COL17A1: variants seen among roughly 807,000 people sequenced by gnomAD.
COL17A1 encodes collagen type XVII alpha 1 chain, also known as collagen alpha-1(XVII) chain.
A neutral mutation model predicts 218.4 loss-of-function variants in COL17A1; 181 were observed. That is an observed-to-expected ratio of 0.83 (90% CI 0.73 to 0.94). COL17A1 has a LOEUF of 0.94. Ranked by LOEUF, COL17A1 falls within the 40% of genes least tolerant of loss-of-function variation. The probability of loss-of-function intolerance (pLI) is 0.00; values close to 1 mark genes in which losing one functional copy is unlikely to be tolerated. For synonymous variants in COL17A1, 721 were observed against 731.0 expected, an observed-to-expected ratio of 0.99 and a Z score of 0.22; for missense variants, 1,924 against 1,945.9, an observed-to-expected ratio of 0.99 and a Z score of 0.21.
At chr10:104,035,218 C>T (rs769438648) in intron 50 of COL17A1, 45 bp downstream of exon 50, 34 of 1,533,396 alleles carry the variant, frequency 2.2e-5, no homozygotes, top group Middle Eastern at 1.8e-4. Context: ...CCCCAAGGCC[C>T]GGCTGCATCC....
chr10:104,051,648 A>G, intron 24 of COL17A1, 132 bp from the exon 25 acceptor site: 1 of 1,125,192 alleles, frequency 8.9e-7, no homozygotes, highest in Non-Finnish European at 1.3e-6. Context: ...ATTGCAGGCC[A>G]GGGGTGACCC....
chr10:104,081,223 G>C (rs1589580398), intron 1 of COL17A1, among the ~76,000 whole-genome samples: 1 of 152,156 alleles, frequency 6.6e-6, no homozygotes, highest in African/African-American at 2.4e-5. Flanking sequence ...TGTCGTACTT[G>C]TATGGAACTT....
chr10:104,080,684 C>A lies in COL17A1; in HGVS notation c.-11G>T, dbSNP rs1257288042. The A allele has an allele frequency of 6.2e-7, 1 of 1,613,046 alleles. No individual in the cohort carries two copies. The highest frequency in any genetic ancestry group is 1.3e-5 in the African/African-American group (1 of 74,886). On this transcript the variant is annotated splice_region_variant and 5_prime_UTR_variant, in exon 2 of 56. Coordinates refer to ENST00000648076, the MANE Select transcript of COL17A1 (RefSeq NM_000494.4). ...CTTGGTTACATCCATACCATAGCCA[C>A]CTGCAGGAAAAATCAGAAACCATGA...
At chr10:104,072,629 T>C (rs2086678061) in intron 7 of COL17A1, among the ~76,000 whole-genome samples, 1 of 152,192 alleles carries the variant, frequency 6.6e-6, no homozygotes, top group Non-Finnish European at 1.5e-5. Flanking sequence ...ATAAGGCCCA[T>C]AGGAAGTCTA....
rs183518018 is a variant in COL17A1, at chr10:104,049,981, G to T, written c.2164+108C>A. 7.1e-6 allele frequency: 11 copies of T among 1,544,668 alleles called. No individual in the cohort carries two copies. The East Asian group carries it at 2.5e-4, about 35-fold the overall frequency. On this transcript the variant is annotated intron_variant, in intron 28 of 55. Transcript: ENST00000648076. Reference sequence around the variant, plus strand: ...TTTCTAGATCACAAGTTCCCTGAAGGGTTTTAAACAGATTCGGTCTCTTAC... The same window carrying T: ...TTTCTAGATCACAAGTTCCCTGAAGTGTTTTAAACAGATTCGGTCTCTTAC...
In COL17A1 at chr10:104,034,253, G is replaced by A. The variant is rs762683429; in HGVS notation, c.3848C>T (p.Ser1283Phe). 13 of 1,607,434 alleles carry A rather than the reference G, an allele frequency of 8.1e-6. No homozygotes were observed. In the South Asian group the frequency reaches 1.3e-4, roughly 16 times the overall value. Reference protein sequence around the residue: ...QGPPGDSRLLSTDASHSRGSS... With the variant: ...QGPPGDSRLLFTDASHSRGSS... ...ACCCCGACTGTGGGAGGCATCCGTG[G>A]ACAGGAGGCGGCTGTCCCCAGGGGG... Residue 1283 changes from serine (S) to phenylalanine (F), a missense_variant, in exon 52 of 56, where the codon TCC becomes TTC. Transcript: ENST00000648076.
chr10:104,039,950 G>A (rs769650005), intron 41 of COL17A1, 23 bp downstream of exon 41: 76 of 1,614,014 alleles, frequency 4.7e-5, no homozygotes, highest in Non-Finnish European at 6.0e-5. Flanking sequence ...CCCAGGTTTT[G>A]TTTGATGCCG....
chr10:104,037,180 A>C lies in COL17A1; in HGVS notation c.3209-67T>G, dbSNP rs1490444275. On this transcript the variant is annotated intron_variant, in intron 46 of 55. Transcript: ENST00000648076. ...TGAAGCAACACCCTCACTATTCCAGAATCTGAAAGGCCCGGTCACCGAGCT... is the reference window on the plus strand; with the variant it reads ...TGAAGCAACACCCTCACTATTCCAGCATCTGAAAGGCCCGGTCACCGAGCT... The C allele has an allele frequency of 2.0e-5, 28 of 1,421,592 alleles. No individual in the cohort carries two copies. In the Admixed American group the frequency reaches 5.5e-4, roughly 28 times the overall value. 88.1% of individuals were successfully genotyped at this position (1,421,592 alleles called of 1,614,324 possible). A position where few individuals can be genotyped will look rare whatever the true frequency, so the allele number is the denominator to read the frequency against.
rs767661123 is a variant in COL17A1, at chr10:104,037,680, A to G, written c.3164T>C (p.Phe1055Ser). The G allele has an allele frequency of 9.9e-6, 16 of 1,614,174 alleles. No individual in the cohort carries two copies. The South Asian group carries it at 1.6e-4, about 17-fold the overall frequency. ...GPVTTITGET[F>S]DYSELASHVV... is the part of the protein sequence containing the mutation. ...GTGGCTTGCCAGCTCTGAGTAGTCG[A>G]AAGTCTCGCCTGTGATGGTGGTGAC... Residue 1055 changes from phenylalanine (F) to serine (S), a missense_variant, in exon 46 of 56, where the codon TTC (phenylalanine) becomes TCC (serine). Coordinates refer to ENST00000648076, the MANE Select transcript of COL17A1 (RefSeq NM_000494.4).
intron 5 of COL17A1, 102 bp from the exon 6 acceptor site, chr10:104,074,333 C>T (rs1265039443): frequency 1.3e-6 from 2 of 1,531,726 alleles, no homozygotes; most frequent in African/African-American, 1.4e-5. Flanking sequence ...CCTCCACAGC[C>T]CTCAGTGTTT....
Position 104,078,580 on chromosome 10 carries a change from G to A in COL17A1, c.59C>T (p.Thr20Ile). ...TGTAAGTCTTGTGGTTACTGTTTCA[G>A]TGACAACTAGAAAAAGACAAAGAAA... Reference protein sequence around the residue: ...DGTEVTERIVTETVTTRLTSL... With the variant: ...DGTEVTERIVIETVTTRLTSL... The change falls in exon 3 of 56, where the codon ACT becomes ATT. Residue 20 changes from threonine to isoleucine, a missense_variant. Thr to Ile is a moderately conservative substitution (Grantham distance 89). Coordinates refer to ENST00000648076, the MANE Select transcript of COL17A1 (RefSeq NM_000494.4). 2 of 1,614,124 alleles carry A rather than the reference G, an allele frequency of 1.2e-6. No homozygotes were observed. Among genetic ancestry groups the A allele is most frequent in the Non-Finnish European group, 1.7e-6 (2 of 1,180,006 alleles).
At chr10:104,081,068 A>G (rs1240063385) in intron 1 of COL17A1, among the ~76,000 whole-genome samples, 3 of 152,230 alleles carry the variant, frequency 2.0e-5, no homozygotes, top group African/African-American at 7.2e-5. Context: ...TAGTGCTATC[A>G]ACTAATTCAT....
intron 13 of COL17A1, 88 bp downstream of exon 13, chr10:104,061,317 G>A: frequency 3.1e-6 from 4 of 1,305,964 alleles, no homozygotes; most frequent in Non-Finnish European, 2.2e-6. Context: ...TATACCATGT[G>A]TATTGGAAGG....
chr10:104,050,136 A>G lies in COL17A1; in HGVS notation c.2129-12T>C, dbSNP rs1273125348. ...CTCACCCTGGTCACCTAAAGCAAAC[A>G]AGGGGGAGGTGGAAAAAGCCACAGT... On this transcript the variant is annotated splice_polypyrimidine_tract_variant and intron_variant, in intron 27 of 55. Coordinates refer to ENST00000648076, the MANE Select transcript of COL17A1 (RefSeq NM_000494.4). The G allele has an allele frequency of 1.9e-6, 3 of 1,613,978 alleles. No individual in the cohort carries two copies. The highest frequency in any genetic ancestry group is 1.7e-5 in the Admixed American group (1 of 59,996).
intron 29 of COL17A1, among the ~76,000 whole-genome samples, chr10:104,048,606 C>T (rs1434284715): frequency 6.6e-6 from 1 of 152,204 alleles, no homozygotes; most frequent in African/African-American, 2.4e-5. Context: ...TCCGTCCTTC[C>T]TATTGGAAGA....
At chr10:104,044,765 C>T (rs919368639) in intron 33 of COL17A1, among the ~76,000 whole-genome samples, 3 of 152,008 alleles carry the variant, frequency 2.0e-5, no homozygotes, top group Admixed American at 6.5e-5. Context: ...CTGGAAGTCA[C>T]GGGCCCTCAA....
chr10:104,033,920 C>G (rs1403081339), intron 52 of COL17A1, 25 bp downstream of exon 52: 1 of 1,614,112 alleles, frequency 6.2e-7, no homozygotes, highest in Admixed American at 1.7e-5. Context: ...CCCCCCAGCA[C>G]CAAGGCCTAA....
intron 33 of COL17A1, among the ~76,000 whole-genome samples, chr10:104,045,475 A>G (rs74154725): frequency 6.4e-4 from 97 of 152,118 alleles, no homozygotes; most frequent in African/African-American, 2.2e-3. Flanking sequence ...TGGGGAGGGC[A>G]GTGCCCTTCT....
chr10:104,066,076 G>C (rs186196297), intron 9 of COL17A1, among the ~76,000 whole-genome samples: 192 of 152,256 alleles, frequency 1.3e-3, no homozygotes, highest in South Asian at 5.2e-3. Context: ...TTAGTCTAAG[G>C]TAAAAGTTTA....
Sources: allele counts gnomAD v4.1 joint callset (sites outside exome capture counted in the v4.1 genomes callset), GRCh38; gene constraint gnomAD v4.1.1; transcripts MANE v1.5; gene names NCBI Gene and HGNC (gene_info 2026-07-23, HGNC 2026-07-21).